MYH1: variants seen among roughly 807,000 people sequenced by gnomAD.
MYH1 encodes myosin heavy chain 1, also known as myosin-1.
Under a neutral mutation model 225.6 loss-of-function variants are expected in MYH1, and 214 were observed. That is an observed-to-expected ratio of 0.95 (90% CI 0.85 to 1.06). The LOEUF (loss-of-function observed/expected upper bound fraction) is 1.06, where lower values mean the gene tolerates loss of function less well. MYH1 is among the 50% of genes least tolerant of loss of function. MYH1 has a pLI of 0.00. For synonymous variants in MYH1, 774 were observed against 842.3 expected, an observed-to-expected ratio of 0.92 and a Z score of 1.40; for missense variants, 2,098 against 2,344.2, an observed-to-expected ratio of 0.89 and a Z score of 2.17.
chr17:10,513,539 G>T, intron 9 of MYH1, 87 bp downstream of exon 9: 1 of 1,298,202 alleles, frequency 7.7e-7, no homozygotes, highest in South Asian at 1.2e-5. Flanking sequence ...TGCTTTACAA[G>T]CTCCATGTTC....
chr17:10,514,051 C>T lies in MYH1; in HGVS notation c.607G>A (p.Gly203Arg), dbSNP rs769291293. 1.2e-6 allele frequency: 2 copies of T among 1,614,078 alleles called. No individual in the cohort carries two copies. The highest frequency in any genetic ancestry group is 1.7e-6 in the Non-Finnish European group (2 of 1,180,030). Residue 203 changes from glycine (G) to arginine (R), a missense_variant, in exon 7 of 40, where the codon GGG becomes AGG. By Grantham distance (125) the Gly-to-Arg change is moderately radical. Transcript: ENST00000226207. ...GTAACTTCTTCCTTCTTCTTCTCCC[C>T]AGTAACTGCAATTGTTGCAAAGTAC... Reference protein sequence around the residue: ...IQYFATIAVTGEKKKEEVTSG... With the variant: ...IQYFATIAVTREKKKEEVTSG...
Position 10,497,400 on chromosome 17 carries a change from G to C in MYH1, c.4418C>G (p.Ala1473Gly). 2 of 1,613,388 alleles carry C rather than the reference G, an allele frequency of 1.2e-6. No homozygotes were observed. Among genetic ancestry groups the C allele is most frequent in the Non-Finnish European group, 8.5e-7 (1 of 1,179,888 alleles). Residue 1473 changes from alanine (A) to glycine (G), a missense_variant, in exon 32 of 40, where the codon GCT becomes GGT. Coordinates refer to ENST00000226207, the MANE Select transcript of MYH1 (RefSeq NM_005963.4). Reference sequence around the variant, plus strand: ...GAGTGAGCGGGATTCCTTTTGAGAAGCTTCAAGTTCAGCATGAGTTTCTTC... The same window carrying C: ...GAGTGAGCGGGATTCCTTTTGAGAACCTTCAAGTTCAGCATGAGTTTCTTC... ...KCEETHAELE[A>G]SQKESRSLST...
intron 2 of MYH1, 138 bp downstream of exon 2, chr17:10,518,102 G>A (rs2073247132): frequency 6.6e-6 from 1 of 152,020 alleles, no homozygotes; most frequent in Non-Finnish European, 1.5e-5. Context: ...CATTTTTTAA[G>A]AGAAGCGTGA....
chr17:10,498,963 G>T lies in MYH1; in HGVS notation c.3984+11C>A. ...AGAACAATAATGACAAGAATGACAA[G>T]TGGAGCTTACCTTTATCTCCTCTTC... On this transcript the variant is annotated intron_variant, in intron 29 of 39. Transcript: ENST00000226207. 2 of 1,606,596 alleles carry T rather than the reference G, an allele frequency of 1.2e-6. No homozygotes were observed. The highest frequency in any genetic ancestry group is 2.7e-5 in the African/African-American group (2 of 74,760).
intron 37 of MYH1, 126 bp from the exon 38 acceptor site, chr17:10,494,799 A>G: frequency 6.3e-7 from 1 of 1,586,200 alleles, no homozygotes; most frequent in Non-Finnish European, 8.6e-7. Context: ...TTTCCTTATT[A>G]TGAGCTTTTG....
chr17:10,508,480 C>G lies in MYH1; in HGVS notation c.1780G>C (p.Ala594Pro). The change falls in exon 16 of 40, where the codon GCC (alanine) becomes CCC (proline). Residue 594 changes from alanine to proline, a missense_variant. Physicochemically the swap from Ala to Pro is conservative, Grantham distance 27. Coordinates refer to ENST00000226207, the MANE Select transcript of MYH1 (RefSeq NM_005963.4). ...TCCTTGTTCTTGTCAAGCCAGCCGG[C>G]AATGTTGTAGTCCACGGTGCCAGCA... ...HYAGTVDYNI[A>P]GWLDKNKDPL... 6.2e-7 allele frequency: 1 copy of G among 1,614,178 alleles called. No homozygotes were observed. Among genetic ancestry groups the G allele is most frequent in the Non-Finnish European group, 8.5e-7 (1 of 1,180,036 alleles).
rs2073054681 is a variant in MYH1, at chr17:10,501,360, G to T, written c.3488C>A (p.Ala1163Asp). The T allele has an allele frequency of 2.5e-6, 4 of 1,613,972 alleles. No homozygotes were observed. In the South Asian group the frequency reaches 4.4e-5, roughly 18 times the overall value. The change falls in exon 27 of 40, where the codon GCC (alanine) becomes GAC (aspartate). Residue 1163 changes from alanine to aspartate, a missense_variant. By Grantham distance (126) the Ala-to-Asp change is moderately radical. Transcript: ENST00000226207. Reference protein sequence around the residue: ...RLEEAGGATSAQIEMNKKREA... With the variant: ...RLEEAGGATSDQIEMNKKREA... ...CCGCTTCTTGTTCATCTCAATCTGG[G>T]CTGAGGTGGCCCCACCGGCTTCTTC...
In MYH1 at chr17:10,498,642, C is replaced by T. The variant is rs1435961876; in HGVS notation, c.4165G>A (p.Glu1389Lys). ...GGAACATACTTGGCCTCCTCCAGCT[C>T]CTCTGTGCGCTGGATGGCATCTGTC... ...YETDAIQRTE[E>K]LEEAKKKLAQ... The change falls in exon 30 of 40, where the codon GAG (glutamate) becomes AAG (lysine). Residue 1389 changes from glutamate to lysine, a missense_variant. Glu to Lys is a moderately conservative substitution (Grantham distance 56). Transcript: ENST00000226207. 6.2e-7 allele frequency: 1 copy of T among 1,614,000 alleles called. No homozygotes were observed. Among genetic ancestry groups the T allele is most frequent in the East Asian group, 2.2e-5 (1 of 44,880 alleles).
chr17:10,513,727 GA>G (rs752608977), intron 8 of MYH1, 38 bp from the exon 9 acceptor site: 5 of 1,612,904 alleles, frequency 3.1e-6, no homozygotes, highest in Non-Finnish European at 4.2e-6. Context: ...CCCAAAGCTT[GA>G]AGTACGTAGT....
rs770988771 is a variant in MYH1, at chr17:10,497,904, G to A, written c.4195C>T (p.Gln1399Ter). 6.3e-7 allele frequency: 1 copy of A among 1,598,166 alleles called. No individual in the cohort carries two copies. Among genetic ancestry groups the A allele is most frequent in the East Asian group, 2.2e-5 (1 of 44,826 alleles). The change falls in exon 31 of 40, where the codon CAG becomes TAG. Residue 1399 changes from glutamine (Q) to a stop codon, truncating the protein, a stop_gained. Coordinates refer to ENST00000226207, the MANE Select transcript of MYH1 (RefSeq NM_005963.4). LOFTEE classifies it high-confidence loss of function. ...TGTTCCTCAGCATCCTGCAGACGCTGAGCCAGCTTCTTCCTATGAAATATG... is the reference window on the plus strand; with the variant it reads ...TGTTCCTCAGCATCCTGCAGACGCTAAGCCAGCTTCTTCCTATGAAATATG... ...ELEEAKKKLA[Q>*]RLQDAEEHVE... is the part of the protein sequence containing the mutation.
chr17:10,501,806 T>C lies in MYH1; in HGVS notation c.3217A>G (p.Ile1073Val). ...TCAAGTTGTTGTTTGTCATTTTCTA[T>C]ATCCATTGTGGATTCTTGAGCCAAT... ...LKLAQESTMD[I>V]ENDKQQLDEK... Residue 1073 changes from isoleucine to valine, a missense_variant, in exon 25 of 40, where the codon ATA (isoleucine) becomes GTA (valine). By Grantham distance (29) the Ile-to-Val change is conservative (BLOSUM62 3). Transcript: ENST00000226207. 6.2e-7 allele frequency: 1 copy of C among 1,613,826 alleles called. No individual in the cohort carries two copies. Among genetic ancestry groups the C allele is most frequent in the Non-Finnish European group, 8.5e-7 (1 of 1,179,794 alleles).
chr17:10,511,147 A>G (rs2073167075), intron 14 of MYH1, among the ~76,000 whole-genome samples: 1 of 151,692 alleles, frequency 6.6e-6, no homozygotes, highest in Non-Finnish European at 1.5e-5. Context: ...TACACAGATA[A>G]AAGTTTAGAA....
chr17:10,502,221 CT>C (rs1824338124), intron 24 of MYH1, among the ~76,000 whole-genome samples: 1 of 152,208 alleles, frequency 6.6e-6, no homozygotes, highest in Non-Finnish European at 1.5e-5. Context: ...AAACCATGAA[CT>C]TTTTTAACGC....
At chr17:10,507,829 C>G in intron 17 of MYH1, 57 bp downstream of exon 17, 1 of 1,472,294 alleles carries the variant, frequency 6.8e-7, no homozygotes, top group East Asian at 2.3e-5. Context: ...TTCCCCCACA[C>G]CATAGAGTAC....
chr17:10,495,533 G>T (rs1436561334), intron 35 of MYH1, among the ~76,000 whole-genome samples: 1 of 151,640 alleles, frequency 6.6e-6, no homozygotes, highest in Non-Finnish European at 1.5e-5. Context: ...AGGCCGAGGC[G>T]GGTGGATTAC....
intron 27 of MYH1, 68 bp from the exon 28 acceptor site, chr17:10,500,820 A>G: frequency 6.2e-7 from 1 of 1,600,986 alleles, no homozygotes; most frequent in Non-Finnish European, 8.5e-7. Flanking sequence ...TCAGTAATCT[A>G]AACATTCCAT....
At chr17:10,495,921 A>G (rs1278796527) in intron 35 of MYH1, 29 bp downstream of exon 35, 1 of 1,612,866 alleles carries the variant, frequency 6.2e-7, no homozygotes, top group Non-Finnish European at 8.5e-7. Context: ...ATACCCTTGT[A>G]TTTGTTGCTA....
chr17:10,498,494 T>C (rs2073018697), intron 30 of MYH1, 132 bp downstream of exon 30: 1 of 1,272,848 alleles, frequency 7.9e-7, no homozygotes, highest in South Asian at 1.4e-5. Flanking sequence ...GAATCTCTTC[T>C]AAGGCATCTA....
chr17:10,494,183 C>T (rs2072963035), intron 39 of MYH1, among the ~76,000 whole-genome samples, 171 bp downstream of exon 39: 1 of 152,216 alleles, frequency 6.6e-6, no homozygotes, highest in Non-Finnish European at 1.5e-5. Context: ...ATCTCTAGAA[C>T]ATCTTCTGCT....
Sources: gnomAD v4.1 joint callset for allele counts (sites outside exome capture counted in the v4.1 genomes callset) on GRCh38, gnomAD v4.1.1 for gene constraint, MANE v1.5 for transcripts, NCBI Gene and HGNC (gene_info 2026-07-23, HGNC 2026-07-21) for gene names.